Variants in CNTN5 observed in about 807,000 individuals in gnomAD.
CNTN5 encodes the protein contactin 5, also known as contactin-5.
CNTN5 carries 77 observed loss-of-function variants against 129.1 expected under a neutral mutation model. The observed-to-expected ratio is 0.60, with a 90% CI of 0.50 to 0.72. The LOEUF (loss-of-function observed/expected upper bound fraction) is 0.72, where lower values mean the gene tolerates loss of function less well. CNTN5 is among the 30% of genes least tolerant of loss of function. The pLI, the probability that CNTN5 is intolerant of heterozygous loss-of-function variation, is 0.00. For missense variants in CNTN5, 1,478 were observed against 1,328.8 expected (o/e 1.11, Z -1.75); for synonymous variants, 509 against 465.6 (o/e 1.09, Z -1.20).
At chr11:100,032,035 T>C (rs1225575595) in intron 9 of CNTN5, among the ~76,000 whole-genome samples, 2 of 152,190 alleles carry the variant, frequency 1.3e-5, no homozygotes, top group South Asian at 2.1e-4. Flanking sequence ...CCCTGTTGCA[T>C]TGTGGGCTGC....
chr11:99,637,879 C>G (rs546311296), intron 3 of CNTN5, among the ~76,000 whole-genome samples: 35 of 152,122 alleles, frequency 2.3e-4, no homozygotes, highest in African/African-American at 7.7e-4. Context: ...TCTGAGCCAG[C>G]CTTTCAGCAT....
chr11:99,212,728 G>A (rs1276845891), intron 1 of CNTN5, among the ~76,000 whole-genome samples: 1 of 151,940 alleles, frequency 6.6e-6, no homozygotes, highest in Non-Finnish European at 1.5e-5. Flanking sequence ...ATCATAATTT[G>A]CTAAAAGTCT....
At chr11:99,790,494 A>G (rs2083782) in intron 3 of CNTN5, among the ~76,000 whole-genome samples, 1 of 152,012 alleles carries the variant, frequency 6.6e-6, no homozygotes, top group Non-Finnish European at 1.5e-5. Context: ...GCTACAAAAG[A>G]CATAGTAACA....
intron 16 of CNTN5, among the ~76,000 whole-genome samples, chr11:100,244,166 A>G (rs749079036): frequency 1.7e-4 from 26 of 151,906 alleles, no homozygotes; most frequent in Non-Finnish European, 2.8e-4. Flanking sequence ...ACCTTTATGG[A>G]CTCTTGGTTC....
At chr11:99,474,804 C>A (rs1004422961) in intron 2 of CNTN5, among the ~76,000 whole-genome samples, 2 of 152,134 alleles carry the variant, frequency 1.3e-5, no homozygotes, top group Non-Finnish European at 2.9e-5. Context: ...CATTAATACA[C>A]TCTTTCTAGC....
chr11:99,595,928 T>C (rs897210648), intron 3 of CNTN5, among the ~76,000 whole-genome samples: 11 of 152,108 alleles, frequency 7.2e-5, no homozygotes, highest in African/African-American at 2.7e-4. Flanking sequence ...ACCAGCCACA[T>C]CAGTATCACT....
At chr11:100,281,423 C>A (rs980268890) in intron 18 of CNTN5, among the ~76,000 whole-genome samples, 2 of 152,046 alleles carry the variant, frequency 1.3e-5, no homozygotes, top group African/African-American at 4.8e-5. Flanking sequence ...TCTCTCCTGG[C>A]CTGTAAAGTT....
At chr11:100,204,297 A>C (rs200159895) in intron 15 of CNTN5, among the ~76,000 whole-genome samples, 1 of 17,648 alleles carries the variant, frequency 5.7e-5, no homozygotes, top group Non-Finnish European at 1.6e-4. Flanking sequence ...AACATTGACT[A>C]ATATATATAT....
intron 1 of CNTN5, among the ~76,000 whole-genome samples, chr11:99,267,166 T>G (rs1210890200): frequency 6.6e-6 from 1 of 152,004 alleles, no homozygotes; most frequent in African/African-American, 2.4e-5. Context: ...GAAATAATAC[T>G]CTGAAGACTT....
At chr11:99,068,466 A>G (rs1391024109) in intron 1 of CNTN5, among the ~76,000 whole-genome samples, 1 of 152,202 alleles carries the variant, frequency 6.6e-6, no homozygotes, top group Admixed American at 6.5e-5. Context: ...CATCTAAAAC[A>G]GCAGCTTGTT....
intron 3 of CNTN5, among the ~76,000 whole-genome samples, chr11:99,611,843 A>G (rs909142048): frequency 6.6e-6 from 1 of 152,196 alleles, no homozygotes; most frequent in Admixed American, 6.5e-5. Flanking sequence ...ATACTTTTGG[A>G]TAACTTTAAG....
intron 2 of CNTN5, among the ~76,000 whole-genome samples, chr11:99,425,099 C>A (rs1191528912): frequency 6.6e-6 from 1 of 152,190 alleles, no homozygotes; most frequent in South Asian, 2.1e-4. Context: ...CGTCCCACAG[C>A]TGGTAATCCC....
At chr11:99,622,717 A>T (rs1950991556) in intron 3 of CNTN5, among the ~76,000 whole-genome samples, 1 of 152,124 alleles carries the variant, frequency 6.6e-6, no homozygotes, top group Non-Finnish European at 1.5e-5. Context: ...AACAGGTGTT[A>T]TAGCATTGAT....
intron 3 of CNTN5, among the ~76,000 whole-genome samples, chr11:99,670,611 A>G (rs77995243): frequency 0.021 from 3,210 of 152,258 alleles, 148 homozygotes; most frequent in East Asian, 0.19. Context: ...GCCTAACTCT[A>G]CAGTCCCAGT....
At chr11:99,645,099 ACTTT>A (rs1431926710) in intron 3 of CNTN5, among the ~76,000 whole-genome samples, 6 of 115,636 alleles carry the variant, frequency 5.2e-5, no homozygotes, top group African/African-American at 1.7e-4. Context: ...CTCCGTCTCT[ACTTT>A]AAAAAAAAAA....
intron 23 of CNTN5, among the ~76,000 whole-genome samples, chr11:100,344,220 A>G (rs1952228854): frequency 6.6e-6 from 1 of 152,150 alleles, no homozygotes; most frequent in African/African-American, 2.4e-5. Context: ...CAGGGAATAT[A>G]TATTCCACCT....
At chr11:100,259,533 A>C (rs143453037) in intron 17 of CNTN5, among the ~76,000 whole-genome samples, 2,801 of 152,256 alleles carry the variant, frequency 0.018, 104 homozygotes, top group African/African-American at 0.065. Flanking sequence ...AAAACTGACC[A>C]CATAATTGGA....
At chr11:99,133,272 C>T (rs893711514) in intron 1 of CNTN5, among the ~76,000 whole-genome samples, 1 of 151,978 alleles carries the variant, frequency 6.6e-6, no homozygotes, top group Admixed American at 6.6e-5. Context: ...GGATTAAAGA[C>T]TTAAATGTAA....
intron 1 of CNTN5, among the ~76,000 whole-genome samples, chr11:99,061,450 C>A (rs1048407654): frequency 6.6e-6 from 1 of 151,892 alleles, no homozygotes; most frequent in East Asian, 1.9e-4. Context: ...TGGGGTGTGC[C>A]CTCAACCACC....
Sources: gnomAD v4.1 joint callset for allele counts (sites outside exome capture counted in the v4.1 genomes callset) on GRCh38, gnomAD v4.1.1 for gene constraint, MANE v1.5 for transcripts, NCBI Gene and HGNC (gene_info 2026-07-23, HGNC 2026-07-21) for gene names.